Variants in TMEM160 observed in about 807,000 individuals in gnomAD.
The protein encoded by TMEM160 is transmembrane protein 160.
TMEM160 carries 10 observed loss-of-function variants against 13.9 expected under a neutral mutation model. The ratio of observed to expected loss-of-function variants is 0.72; its 90% CI spans 0.45 to 1.22. The LOEUF (loss-of-function observed/expected upper bound fraction) is 1.22. Ranked by LOEUF, TMEM160 falls within the 50% of genes most tolerant of loss-of-function variation. TMEM160 has a pLI of 0.00. For synonymous variants in TMEM160, 159 were observed against 134.8 expected (o/e 1.18, Z -1.25); for missense variants, 287 against 283.2 (o/e 1.01, Z -0.10).
In TMEM160 at chr19:47,046,616, T is replaced by A. The variant is rs1157666005; in HGVS notation, c.278A>T (p.Asp93Val). 6.2e-7 allele frequency: 1 copy of A among 1,613,104 alleles called. No individual in the cohort carries two copies. The highest frequency in any genetic ancestry group is 2.2e-5 in the East Asian group (1 of 44,820). ...ACCATATGCTGCTTCCCGACCCATG[T>A]CACTCTGCATGAAGGAGATGACCCC... ...GIGVISFMQS[D>V]MGREAAYGFF... Residue 93 changes from aspartate to valine, a missense_variant, in exon 2 of 3, where the codon GAC becomes GTC. Physicochemically the swap from Asp to Val is radical, Grantham distance 152. Coordinates refer to ENST00000253047, the MANE Select transcript of TMEM160 (RefSeq NM_017854.2).
chr19:47,047,660 G>T, intron 1 of TMEM160: 1 of 854,136 alleles, frequency 1.2e-6, no homozygotes, highest in South Asian at 5.3e-5. Context: ...GACCAGCCTG[G>T]GCAACAAAGC....
At chr19:47,047,626 G>C (rs1362137101) in intron 1 of TMEM160, 2 of 972,816 alleles carry the variant, frequency 2.1e-6, no homozygotes, top group Non-Finnish European at 1.2e-6. Flanking sequence ...CAAGGCAGGA[G>C]GATTCTCTGA....
Position 47,048,606 on chromosome 19 carries a change from G to T in TMEM160, c.9C>A (p.Gly3=), listed in dbSNP as rs560957693. The part of the protein sequence containing the change: MG[G]GWWWARAARL... The stretch of plus-strand genomic sequence containing the variant: ...GAGCGGCCCGAGCCCACCACCAGCC[G>T]CCTCCCATGATTCGCACTACGGCCG... Residue 3 remains glycine (G), a synonymous_variant, in exon 1 of 3, where the codon GGC becomes GGA. Coordinates refer to ENST00000253047, the MANE Select transcript of TMEM160 (RefSeq NM_017854.2). 1.8e-5 allele frequency: 28 copies of T among 1,533,786 alleles called. No homozygotes were observed. Among genetic ancestry groups the T allele is most frequent in the Middle Eastern group, 4.6e-4 (2 of 4,334 alleles).
intron 1 of TMEM160, chr19:47,047,560 C>T (rs1433123970): frequency 1.0e-6 from 1 of 985,182 alleles, no homozygotes; most frequent in Non-Finnish European, 1.2e-6. Context: ...TATCTAGATG[C>T]CCGGTCCTGG....
rs1324833499 is a variant in TMEM160, at chr19:47,045,993, G to A, written c.561C>T (p.Pro187=). 1.3e-6 allele frequency: 2 copies of A among 1,538,156 alleles called. No individual in the cohort carries two copies. The highest frequency in any genetic ancestry group is 2.4e-5 in the East Asian group (1 of 40,946). The change falls in exon 3 of 3, where the codon CCC becomes CCT. Residue 187 remains proline (P), a synonymous_variant. Coordinates refer to ENST00000253047, the MANE Select transcript of TMEM160 (RefSeq NM_017854.2). Reference sequence around the variant, plus strand: ...GGCCCCACGGCCGTGTCGCTCACTCGGGTGGCGGCCGACCCGCCTCATCAG... The same window carrying A: ...GGCCCCACGGCCGTGTCGCTCACTCAGGTGGCGGCCGACCCGCCTCATCAG... ...EGPDEAGRPP[P]E
intron 1 of TMEM160, chr19:47,048,005 T>C: frequency 2.3e-6 from 2 of 857,918 alleles, no homozygotes; most frequent in African/African-American, 3.6e-5. Flanking sequence ...AATCCTGAAC[T>C]TCCCCCTCTT....
Position 47,048,577 on chromosome 19 carries a change from A to G in TMEM160, c.38T>C (p.Leu13Pro). 6.6e-7 allele frequency: 1 copy of G among 1,522,616 alleles called. No individual in the cohort carries two copies. The highest frequency in any genetic ancestry group is 1.2e-5 in the South Asian group (1 of 82,938). The allele number at this position is 1,522,616 out of a possible 1,614,324, so 94.3% of individuals were successfully genotyped here. A position where few individuals can be genotyped will look rare whatever the true frequency, so the allele number is the denominator to read the frequency against. The change falls in exon 1 of 3, where the codon CTT becomes CCT. Residue 13 changes from leucine to proline, a missense_variant. Physicochemically the swap from Leu to Pro is moderately conservative, Grantham distance 98. Transcript: ENST00000253047. ...CGACCTCCGGAAGCGAAGACGGGCA[A>G]GGCGAGCGGCCCGAGCCCACCACCA... The part of the protein sequence containing the change: ...GGWWWARAAR[L>P]ARLRFRRSLL...
In TMEM160 at chr19:47,047,468, T is replaced by C. The variant is rs73940801; in HGVS notation, c.209-783A>G. ...GTATGGCCTGGGCCAATCCCATCCA[T>C]GTCCTACCGAGTATGGCCTGGGCCA... On this transcript the variant is annotated intron_variant, in intron 1 of 2. Coordinates refer to ENST00000253047, the MANE Select transcript of TMEM160 (RefSeq NM_017854.2). 10 of 984,332 alleles carry C rather than the reference T, an allele frequency of 1.0e-5. No individual in the cohort carries two copies. The African/African-American group carries it at 1.4e-4, about 14-fold the overall frequency. 61.0% of individuals were successfully genotyped at this position (984,332 alleles called of 1,614,324 possible).
At position 47,046,667 on chromosome 19, in the gene TMEM160, C is replaced by T. The variant is rs766959864; in HGVS notation, c.227G>A (p.Arg76His). 4 of 1,611,994 alleles carry T rather than the reference C, an allele frequency of 2.5e-6. No individual in the cohort carries two copies. The highest frequency in any genetic ancestry group is 1.3e-5 in the African/African-American group (1 of 74,438). The change falls in exon 2 of 3, where the codon CGC (arginine) becomes CAC (histidine). Residue 76 changes from arginine (R) to histidine (H), a missense_variant. Arg to His is a conservative substitution (Grantham distance 29). Coordinates refer to ENST00000253047, the MANE Select transcript of TMEM160 (RefSeq NM_017854.2). ...GATGCCCGATGCCAGGAGGCCATTG[C>T]GGAACCAGGAGAGGAAGGCTGGAGG... is the stretch of plus-strand genomic sequence containing the variant. ...AHETAFLSWF[R>H]NGLLASGIGV...
chr19:47,047,788 G>A (rs1283959446), intron 1 of TMEM160: 2 of 700,138 alleles, frequency 2.9e-6, no homozygotes, highest in African/African-American at 1.9e-5. Flanking sequence ...CAAGGCTGCA[G>A]TGGGCTACGA....
chr19:47,046,464 G>T, intron 2 of TMEM160, 129 bp downstream of exon 2: 1 of 950,752 alleles, frequency 1.1e-6, no homozygotes, highest in Non-Finnish European at 1.6e-6. Flanking sequence ...TTCTGGTGGG[G>T]GAAGAATGGG....
At chr19:47,046,986 C>T (rs1162749231) in intron 1 of TMEM160, among the ~76,000 whole-genome samples, 1 of 152,032 alleles carries the variant, frequency 6.6e-6, no homozygotes, top group Admixed American at 6.5e-5. Context: ...CCAAGGCAGG[C>T]GGATCATGAG....
rs1254440832 is a variant in TMEM160, at chr19:47,046,642, G to A, written c.252C>T (p.Ile84=). The A allele has an allele frequency of 5.0e-6, 8 of 1,612,488 alleles. No individual in the cohort carries two copies. Among genetic ancestry groups the A allele is most frequent in the Non-Finnish European group, 6.8e-6 (8 of 1,179,180 alleles). The change falls in exon 2 of 3, where the codon ATC becomes ATT. Residue 84 remains isoleucine, a synonymous_variant. Transcript: ENST00000253047. The stretch of plus-strand genomic sequence containing the variant: ...CACTCTGCATGAAGGAGATGACCCC[G>A]ATGCCCGATGCCAGGAGGCCATTGC... ...WFRNGLLASG[I]GVISFMQSDM...
intron 1 of TMEM160, chr19:47,047,991 CTCCAA>C: frequency 1.1e-6 from 1 of 928,230 alleles, no homozygotes; most frequent in South Asian, 5.0e-5. Flanking sequence ...TTGTCCCCTT[CTCCAA>C]TCCTGAACTT....
At position 47,048,470 on chromosome 19, in the gene TMEM160, G is replaced by A. The variant is rs745791022; in HGVS notation, c.145C>T (p.Pro49Ser). Residue 49 changes from proline to serine, a missense_variant, in exon 1 of 3, where the codon CCG (proline) becomes TCG (serine). Coordinates refer to ENST00000253047, the MANE Select transcript of TMEM160 (RefSeq NM_017854.2). Reference sequence around the variant, plus strand: ...CGATCCAGCTCGGACACTGGGGGCGGCGAAGCCCCGGCGCGGGGACCGTGG... The same window carrying A: ...CGATCCAGCTCGGACACTGGGGGCGACGAAGCCCCGGCGCGGGGACCGTGG... ...PGHGPRAGASPPPVSELDRAD... is the reference protein window; with the variant it reads ...PGHGPRAGASSPPVSELDRAD... 7.1e-7 allele frequency: 1 copy of A among 1,408,666 alleles called. No individual in the cohort carries two copies. Among genetic ancestry groups the A allele is most frequent in the Non-Finnish European group, 9.1e-7 (1 of 1,093,380 alleles). The allele number at this position is 1,408,666 out of a possible 1,614,324, so 87.3% of individuals were successfully genotyped here.
At chr19:47,048,125 C>T (rs1000980952) in intron 1 of TMEM160, among the ~76,000 whole-genome samples, 1 of 152,170 alleles carries the variant, frequency 6.6e-6, no homozygotes, top group African/African-American at 2.4e-5. Flanking sequence ...AAGCCCCTCT[C>T]CCCACGGCAG....
At chr19:47,047,208 T>A (rs2057085224) in intron 1 of TMEM160, 2 of 967,552 alleles carry the variant, frequency 2.1e-6, no homozygotes, top group East Asian at 1.1e-4. Context: ...AGACTCCGTC[T>A]CAAAAAAAAT....
In TMEM160 at chr19:47,047,873, A is replaced by C. The variant is rs916144558; in HGVS notation, c.208+534T>G. Reference sequence around the variant, plus strand: ...AAAAAATAAAATTAAAAAAAAAACAAACATGGCCAGTCCGCTCCATTCTGG... The same window carrying C: ...AAAAAATAAAATTAAAAAAAAAACACACATGGCCAGTCCGCTCCATTCTGG... On this transcript the variant is annotated intron_variant, in intron 1 of 2. Transcript: ENST00000253047. The C allele has an allele frequency of 1.1e-5, 11 of 983,636 alleles. No individual in the cohort carries two copies. The Admixed American group carries it at 6.8e-4, about 61-fold the overall frequency. 60.9% of individuals were successfully genotyped at this position (983,636 alleles called of 1,614,324 possible). A position where few individuals can be genotyped will look rare whatever the true frequency, so the allele number is the denominator to read the frequency against.
Position 47,046,495 on chromosome 19 carries a change from G to A in TMEM160, c.301+98C>T, listed in dbSNP as rs2057080734. 1.0e-5 allele frequency: 11 copies of A among 1,065,918 alleles called. No homozygotes were observed. In the South Asian group the frequency reaches 1.0e-4, roughly 10 times the overall value. 66.0% of individuals were successfully genotyped at this position (1,065,918 alleles called of 1,614,324 possible). On this transcript the variant is annotated intron_variant, in intron 2 of 2. Coordinates refer to ENST00000253047, the MANE Select transcript of TMEM160 (RefSeq NM_017854.2). Reference sequence around the variant, plus strand: ...ATGGGGGTTCTATACTTACTACTGGGAGTGGGATGGGGTAGGAGAGTCTAC... The same window carrying A: ...ATGGGGGTTCTATACTTACTACTGGAAGTGGGATGGGGTAGGAGAGTCTAC...
Sources: gnomAD v4.1 joint callset for allele counts (sites outside exome capture counted in the v4.1 genomes callset) on GRCh38, gnomAD v4.1.1 for gene constraint, MANE v1.5 for transcripts, NCBI Gene and HGNC (gene_info 2026-07-23, HGNC 2026-07-21) for gene names.